The following NRG3 variants were observed in gnomAD, a reference collection of about 807,000 sequenced individuals.
The protein encoded by NRG3 is pro-neuregulin-3, membrane-bound isoform.
Under a neutral mutation model 66.9 loss-of-function variants are expected in NRG3, and 31 were observed. The ratio of observed to expected loss-of-function variants is 0.46; its 90% confidence interval spans 0.35 to 0.63. NRG3 has a LOEUF of 0.63. NRG3 is among the 20% of genes least tolerant of loss of function. NRG3 has a pLI of 0.00. For synonymous variants in NRG3, 393 were observed against 359.4 expected (o/e 1.09, Z -1.06); for missense variants, 910 against 878.9 (o/e 1.04, Z -0.45).
intron 4 of NRG3, among the ~76,000 whole-genome samples, chr10:82,903,663 C>T (rs1049074055): frequency 2.6e-5 from 4 of 152,076 alleles, no homozygotes; most frequent in Non-Finnish European, 5.9e-5. Flanking sequence ...TCCTTAAGAA[C>T]ATTTGCTTTT....
At chr10:82,895,701 A>C (rs1843599880) in intron 4 of NRG3, among the ~76,000 whole-genome samples, 1 of 152,112 alleles carries the variant, frequency 6.6e-6, no homozygotes, top group Admixed American at 6.5e-5. Context: ...CGTGTTAGCC[A>C]GGATGGTCTC....
intron 1 of NRG3, chr10:81,878,206 G>T: frequency 1.1e-6 from 1 of 908,238 alleles, no homozygotes; most frequent in Non-Finnish European, 1.6e-6. Flanking sequence ...AGGAAAAGAG[G>T]GGAAAAATCT....
chr10:82,679,310 G>A (rs894589397), intron 2 of NRG3, among the ~76,000 whole-genome samples: 3 of 152,090 alleles, frequency 2.0e-5, no homozygotes, highest in African/African-American at 7.2e-5. Context: ...GGTATGTCAC[G>A]TTCAATGCTC....
At chr10:82,773,296 G>C (rs750891631) in intron 3 of NRG3, among the ~76,000 whole-genome samples, 23 of 152,108 alleles carry the variant, frequency 1.5e-4, no homozygotes, top group Non-Finnish European at 3.1e-4. Context: ...GGTGTGATGT[G>C]ATTATATCCT....
chr10:82,096,979 T>C (rs2066390183), intron 1 of NRG3, among the ~76,000 whole-genome samples: 1 of 152,164 alleles, frequency 6.6e-6, no homozygotes, highest in African/African-American at 2.4e-5. Context: ...AAATTCCCTT[T>C]TTGAGGTGCA....
chr10:82,692,538 A>G (rs982989055), intron 2 of NRG3, among the ~76,000 whole-genome samples: 1 of 152,196 alleles, frequency 6.6e-6, no homozygotes, highest in Non-Finnish European at 1.5e-5. Context: ...CTCTCAGCAA[A>G]GAGAGGAGGT....
intron 3 of NRG3, among the ~76,000 whole-genome samples, chr10:82,829,277 G>GAT (rs2062396193): frequency 6.6e-6 from 1 of 152,086 alleles, no homozygotes; most frequent in South Asian, 2.1e-4. Flanking sequence ...TGCATTTCTG[G>GAT]ATACCTACCT....
At chr10:82,378,072 T>A (rs957219580) in intron 2 of NRG3, among the ~76,000 whole-genome samples, 2 of 152,328 alleles carry the variant, frequency 1.3e-5, no homozygotes, top group South Asian at 4.1e-4. Flanking sequence ...GTTTTAGAAC[T>A]CTCTTAAATT....
At chr10:81,993,456 C>A (rs567242618) in intron 1 of NRG3, among the ~76,000 whole-genome samples, 1 of 152,248 alleles carries the variant, frequency 6.6e-6, no homozygotes, top group South Asian at 2.1e-4. Flanking sequence ...AAATGATCCT[C>A]CTGCCTTAGC....
intron 1 of NRG3, among the ~76,000 whole-genome samples, chr10:82,070,712 G>A (rs943588682): frequency 6.6e-6 from 1 of 152,050 alleles, no homozygotes; most frequent in African/African-American, 2.4e-5. Context: ...GGTCACAAAA[G>A]AAGAAATAAA....
chr10:82,666,903 A>G (rs536511881), intron 2 of NRG3, among the ~76,000 whole-genome samples: 11 of 152,336 alleles, frequency 7.2e-5, no homozygotes, highest in African/African-American at 2.6e-4. Flanking sequence ...TAATAAATGC[A>G]TGATACATTA....
rs773757027 is a variant in NRG3, at chr10:82,370,377, C to T, written c.953+11509C>T. ...CCCCTGCTGAACTCCCCTCAGCATC[C>T]AGACATCCCTCCTCTTCTCTTTCTC... On this transcript the variant is annotated intron_variant, in intron 2 of 8. Coordinates refer to ENST00000372141, the MANE Select transcript of NRG3 (RefSeq NM_001010848.4). Among the ~76,000 whole-genome samples, 6 of 138,240 alleles carry T rather than the reference C, an allele frequency of 4.3e-5. 1 individual carries two copies. In the East Asian group the frequency reaches 1.1e-3, roughly 25 times the overall value. The allele number at this position is 138,240 out of a possible 152,430, so 90.7% of individuals were successfully genotyped here. A position where few individuals can be genotyped will look rare whatever the true frequency, so the allele number is the denominator to read the frequency against.
At chr10:82,165,868 G>C (rs2072008830) in intron 1 of NRG3, among the ~76,000 whole-genome samples, 1 of 151,816 alleles carries the variant, frequency 6.6e-6, no homozygotes, top group South Asian at 2.1e-4. Flanking sequence ...ATAAATAGCT[G>C]AGTAAAGCTA....
At chr10:82,899,494 G>A (rs1843999510) in intron 4 of NRG3, among the ~76,000 whole-genome samples, 1 of 152,130 alleles carries the variant, frequency 6.6e-6, no homozygotes, top group Non-Finnish European at 1.5e-5. Flanking sequence ...TGTGTTGCAG[G>A]AATGTGCGTA....
intron 2 of NRG3, among the ~76,000 whole-genome samples, chr10:82,595,426 G>A (rs2047214046): frequency 6.6e-6 from 1 of 152,156 alleles, no homozygotes; most frequent in African/African-American, 2.4e-5. Context: ...GACTGCTTTA[G>A]AGTATAAGGT....
chr10:82,727,553 A>G (rs1177623868), intron 2 of NRG3, among the ~76,000 whole-genome samples: 2 of 152,218 alleles, frequency 1.3e-5, no homozygotes, highest in Non-Finnish European at 2.9e-5. Flanking sequence ...CTCTGCCTAG[A>G]TTTCAGAGGA....
intron 2 of NRG3, among the ~76,000 whole-genome samples, chr10:82,464,846 A>G (rs1840529766): frequency 1.3e-5 from 2 of 152,326 alleles, no homozygotes; most frequent in Non-Finnish European, 2.9e-5. Context: ...CTCTCTCAAC[A>G]GCAGCCACTT....
At chr10:82,238,631 G>C (rs2076861945) in intron 1 of NRG3, among the ~76,000 whole-genome samples, 1 of 151,534 alleles carries the variant, frequency 6.6e-6, no homozygotes, top group Non-Finnish European at 1.5e-5. Flanking sequence ...CTACCACCTT[G>C]AGACAACCAT....
At chr10:82,283,780 C>T (rs73306635) in intron 1 of NRG3, among the ~76,000 whole-genome samples, 2,596 of 152,210 alleles carry the variant, frequency 0.017, 78 homozygotes, top group African/African-American at 0.059. Flanking sequence ...ATCATTTCTG[C>T]ATCTCGAGTC....
Sources: allele counts gnomAD v4.1 joint callset (sites outside exome capture counted in the v4.1 genomes callset), GRCh38; gene constraint gnomAD v4.1.1; transcripts MANE v1.5; gene names NCBI Gene and HGNC (gene_info 2026-07-23, HGNC 2026-07-21).